The following GPC6 variants were observed in gnomAD, a reference collection of about 807,000 sequenced individuals.
GPC6 encodes glypican 6.
A neutral mutation model predicts 55.2 loss-of-function variants in GPC6; 14 were observed. The ratio of observed to expected loss-of-function variants is 0.25; its 90% CI spans 0.17 to 0.40. The LOEUF (loss-of-function observed/expected upper bound fraction) is 0.40, where lower values mean the gene tolerates loss of function less well. GPC6 is among the 10% of genes least tolerant of loss of function. The pLI is 1.00. For synonymous variants in GPC6, 278 were observed against 259.6 expected (o/e 1.07, Z -0.68); for missense variants, 641 against 708.5 (o/e 0.90, Z 1.08).
chr13:93,223,320 G>T (rs1466886235), upstream of GPC6, among the ~76,000 whole-genome samples: 4 of 152,120 alleles, frequency 2.6e-5, no homozygotes, highest in African/African-American at 9.7e-5. Context: ...GCCCAAAACG[G>T]GTTGTTGTGA....
intron 1 of GPC6, among the ~76,000 whole-genome samples, chr13:93,514,872 A>G (rs749649225): frequency 2.6e-5 from 4 of 152,162 alleles, no homozygotes; most frequent in Non-Finnish European, 4.4e-5. Flanking sequence ...AAAACAAACA[A>G]ACAAAAACAC....
intron 3 of GPC6, among the ~76,000 whole-genome samples, chr13:93,961,781 C>A (rs1019599145): frequency 2.0e-5 from 3 of 151,110 alleles, no homozygotes; most frequent in Non-Finnish European, 2.9e-5. Context: ...TGTTTTAGTG[C>A]TATTTTAAGT....
At chr13:93,445,542 C>CA (rs1233900497) in intron 1 of GPC6, among the ~76,000 whole-genome samples, 1 of 152,184 alleles carries the variant, frequency 6.6e-6, no homozygotes, top group Non-Finnish European at 1.5e-5. Context: ...TGGAGTCTGT[C>CA]AACTCTTCAC....
intron 1 of GPC6, among the ~76,000 whole-genome samples, chr13:93,336,096 G>A (rs1190369851): frequency 6.6e-6 from 1 of 152,096 alleles, no homozygotes; most frequent in Non-Finnish European, 1.5e-5. Context: ...ATAAAAAAGT[G>A]TTTAACACTG....
intron 4 of GPC6, among the ~76,000 whole-genome samples, chr13:94,034,239 AGG>A (rs1883252785): frequency 1.3e-5 from 2 of 151,342 alleles, no homozygotes; most frequent in African/African-American, 4.8e-5. Flanking sequence ...GAAGGAAGGA[AGG>A]AAGGAAGGAA....
At chr13:94,169,665 T>C (rs1038839456) in intron 4 of GPC6, among the ~76,000 whole-genome samples, 5 of 152,126 alleles carry the variant, frequency 3.3e-5, no homozygotes, top group African/African-American at 4.8e-5. Context: ...TACAAAGGAA[T>C]GAATCCTTTG....
chr13:93,227,113 C>T lies in GPC6; in HGVS notation c.-344C>T. On this transcript the variant is annotated 5_prime_UTR_variant, in exon 1 of 9. Coordinates refer to ENST00000377047, the MANE Select transcript of GPC6 (RefSeq NM_005708.5). The surrounding 1 kb of genome is among the most constrained non-coding windows in gnomAD (Gnocchi z 4.3). Reference sequence around the variant, plus strand: ...CGCAGCGCTCCAGGATTCTGCGGCTCGGAACTCGGATTGCAGCTCTGAACC... The same window carrying T: ...CGCAGCGCTCCAGGATTCTGCGGCTTGGAACTCGGATTGCAGCTCTGAACC... 1 of 182,720 alleles carries T rather than the reference C, an allele frequency of 5.5e-6. No homozygotes were observed. The highest frequency in any genetic ancestry group is 1.1e-5 in the Non-Finnish European group (1 of 87,698). The allele number at this position is 182,720 out of a possible 1,614,324, so 11.3% of individuals were successfully genotyped here. A position where few individuals can be genotyped will look rare whatever the true frequency, so the allele number is the denominator to read the frequency against.
intron 5 of GPC6, 117 bp downstream of exon 5, chr13:94,286,596 A>G: frequency 4.4e-6 from 4 of 914,868 alleles, no homozygotes. Context: ...GCTGTCAGCG[A>G]GCTTTTCCTG....
intron 2 of GPC6, among the ~76,000 whole-genome samples, chr13:93,707,835 G>C (rs1882906242): frequency 6.6e-6 from 1 of 151,690 alleles, no homozygotes; most frequent in South Asian, 2.1e-4. Context: ...TATCACAGTT[G>C]AGTTATTCCA....
chr13:93,976,734 T>C (rs1880534916), intron 3 of GPC6, among the ~76,000 whole-genome samples: 1 of 151,762 alleles, frequency 6.6e-6, no homozygotes, highest in African/African-American at 2.4e-5. Flanking sequence ...CTGATTCTCA[T>C]TGGCTCAAGT....
intron 2 of GPC6, among the ~76,000 whole-genome samples, chr13:93,629,631 A>G (rs1370458444): frequency 2.0e-5 from 3 of 152,224 alleles, no homozygotes; most frequent in Non-Finnish European, 4.4e-5. Context: ...AGGTTAAGAT[A>G]TAACAAAACA....
chr13:94,095,250 G>T (rs964845067), intron 4 of GPC6, among the ~76,000 whole-genome samples: 2 of 152,122 alleles, frequency 1.3e-5, no homozygotes, highest in African/African-American at 2.4e-5. Context: ...ATATAAAAAA[G>T]AGTAGTAGGA....
chr13:94,331,563 TAAG>T (rs1171860798), intron 6 of GPC6, among the ~76,000 whole-genome samples: 1 of 152,160 alleles, frequency 6.6e-6, no homozygotes, highest in East Asian at 1.9e-4. Flanking sequence ...TAGCCACAAA[TAAG>T]AACAAAGAGA....
intron 2 of GPC6, among the ~76,000 whole-genome samples, chr13:93,717,219 T>C (rs1392527095): frequency 4.0e-5 from 6 of 151,734 alleles, no homozygotes; most frequent in Non-Finnish European, 7.4e-5. Context: ...TTAATGCAGA[T>C]AGTTCAACTT....
chr13:93,339,863 G>A (rs1015000600), intron 1 of GPC6, among the ~76,000 whole-genome samples: 69 of 152,032 alleles, frequency 4.5e-4, no homozygotes, highest in African/African-American at 1.7e-3. Flanking sequence ...CTTTTGAAAG[G>A]AGTATTAATC....
At chr13:94,021,241 AG>A (rs1214592664) in intron 3 of GPC6, among the ~76,000 whole-genome samples, 1 of 149,860 alleles carries the variant, frequency 6.7e-6, no homozygotes, top group Admixed American at 6.7e-5. Context: ...AGCATCTGCT[AG>A]GTGTATGTTC....
At chr13:93,767,302 G>T (rs1380475662) in intron 2 of GPC6, among the ~76,000 whole-genome samples, 1 of 152,090 alleles carries the variant, frequency 6.6e-6, no homozygotes, top group Non-Finnish European at 1.5e-5. Context: ...GAAAAATCAT[G>T]TTTTGTTGAA....
At chr13:93,743,843 G>T (rs747567772) in intron 2 of GPC6, among the ~76,000 whole-genome samples, 7 of 152,056 alleles carry the variant, frequency 4.6e-5, no homozygotes, top group South Asian at 4.2e-4. Flanking sequence ...TTGTGTGTAT[G>T]GTGAGTTTAC....
chr13:94,340,449 C>T (rs1236496535), intron 6 of GPC6, among the ~76,000 whole-genome samples: 2 of 152,150 alleles, frequency 1.3e-5, no homozygotes, highest in Non-Finnish European at 2.9e-5. Flanking sequence ...TCTGTTTGTG[C>T]AAATTAAAAG....
Sources: gnomAD v4.1 joint callset for allele counts (sites outside exome capture counted in the v4.1 genomes callset) on GRCh38, gnomAD v4.1.1 for gene constraint, Gnocchi (gnomAD v3.1) non-coding constraint, MANE v1.5 for transcripts, NCBI Gene and HGNC (gene_info 2026-07-23, HGNC 2026-07-21) for gene names.